CDH1: variants seen among roughly 807,000 people sequenced by gnomAD.
CDH1 encodes cadherin-1.
A neutral mutation model predicts 84.5 loss-of-function variants in CDH1; 35 were observed. The ratio of observed to expected loss-of-function variants is 0.41; its 90% CI spans 0.32 to 0.55. The LOEUF (loss-of-function observed/expected upper bound fraction) is 0.55. CDH1 is among the 20% of genes least tolerant of loss of function. The probability of loss-of-function intolerance (pLI) is 0.19; values close to 1 mark genes in which losing one functional copy is unlikely to be tolerated. For missense variants in CDH1, 994 were observed against 1,126.6 expected, an observed-to-expected ratio of 0.88 and a Z score of 1.68; for synonymous variants, 417 against 439.0, an observed-to-expected ratio of 0.95 and a Z score of 0.63.
intron 13 of CDH1, among the ~76,000 whole-genome samples, chr16:68,824,194 T>C (rs906708305): frequency 6.6e-6 from 1 of 152,052 alleles, no homozygotes; most frequent in Admixed American, 6.6e-5. Flanking sequence ...ACGGTGTTTC[T>C]CCATTTTGGT....
intron 2 of CDH1, among the ~76,000 whole-genome samples, chr16:68,768,085 T>C (rs1959441151): frequency 6.6e-6 from 1 of 152,144 alleles, no homozygotes; most frequent in Admixed American, 6.6e-5. Context: ...TAGCTGGGAT[T>C]ACAGGCATGC....
intron 4 of CDH1, 38 bp from the exon 5 acceptor site, chr16:68,808,655 C>A: frequency 6.2e-7 from 1 of 1,613,554 alleles, no homozygotes. Flanking sequence ...TGTTGGGATC[C>A]TTCTTTACTA....
intron 8 of CDH1, among the ~76,000 whole-genome samples, chr16:68,812,798 T>C (rs561439728): frequency 6.6e-6 from 1 of 152,302 alleles, no homozygotes; most frequent in African/African-American, 2.4e-5. Flanking sequence ...TCTAGCAAGT[T>C]GAGAGGCCAA....
At chr16:68,746,875 G>C (rs904690729) in intron 2 of CDH1, among the ~76,000 whole-genome samples, 10 of 152,214 alleles carry the variant, frequency 6.6e-5, no homozygotes, top group Admixed American at 2.6e-4. Flanking sequence ...CTTGAATCTG[G>C]GTGGCGGAGG....
chr16:68,781,707 C>T (rs995528997), intron 2 of CDH1, among the ~76,000 whole-genome samples: 2 of 152,248 alleles, frequency 1.3e-5, no homozygotes, highest in Non-Finnish European at 2.9e-5. Flanking sequence ...CTCCTGGACT[C>T]GAGTGATCTC....
chr16:68,773,026 A>AT (rs1959624149), intron 2 of CDH1, among the ~76,000 whole-genome samples: 1 of 152,172 alleles, frequency 6.6e-6, no homozygotes, highest in South Asian at 2.1e-4. Context: ...GACAAAAAGA[A>AT]TTTTGCTTGT....
chr16:68,760,303 C>T (rs1179741834), intron 2 of CDH1, among the ~76,000 whole-genome samples: 18 of 127,624 alleles, frequency 1.4e-4, no homozygotes, highest in African/African-American at 3.8e-4. Flanking sequence ...TTAGTAGAGA[C>T]GGGGTTTCAC....
chr16:68,737,539 C>T, intron 1 of CDH1, 76 bp downstream of exon 1: 2 of 406,304 alleles, frequency 4.9e-6, no homozygotes, highest in South Asian at 2.7e-5. Context: ...GCCCCTTCCT[C>T]TCCCGTCGTC....
Position 68,828,213 on chromosome 16 carries a change from C to T in CDH1, c.2204C>T (p.Ala735Val), listed in dbSNP as rs587782464. 41 of 1,613,798 alleles carry T rather than the reference C, an allele frequency of 2.5e-5. No homozygotes were observed. Among genetic ancestry groups the T allele is most frequent in the Non-Finnish European group, 3.1e-5 (37 of 1,179,932 alleles). ...LLLLLFLRRRAVVKEPLLPPE... is the reference protein window; with the variant it reads ...LLLLLFLRRRVVVKEPLLPPE... ...CTCTTGCTGTTTCTTCGGAGGAGAG[C>T]GGTGGTCAAAGAGCCCTTACTGCCC... The change falls in exon 14 of 16, where the codon GCG (alanine) becomes GTG (valine). Residue 735 changes from alanine (A) to valine (V), a missense_variant. Coordinates refer to ENST00000261769, the MANE Select transcript of CDH1 (RefSeq NM_004360.5).
intron 2 of CDH1, among the ~76,000 whole-genome samples, chr16:68,753,238 G>T (rs374886144): frequency 3.3e-4 from 46 of 141,280 alleles, no homozygotes; most frequent in African/African-American, 1.2e-3. Context: ...AAAAAGCAAG[G>T]CCTGCTTAAT....
At chr16:68,785,734 A>G (rs1960029745) in intron 2 of CDH1, among the ~76,000 whole-genome samples, 1 of 144,532 alleles carries the variant, frequency 6.9e-6, no homozygotes, top group Non-Finnish European at 1.5e-5. Flanking sequence ...GCAGAGCATA[A>G]AGAGCTTTTT....
intron 3 of CDH1, among the ~76,000 whole-genome samples, chr16:68,803,815 TTGTCGTGGTTTA>T (rs879512383): frequency 8.9e-4 from 136 of 152,232 alleles, no homozygotes; most frequent in African/African-American, 1.5e-3. Context: ...AAATCTCCAA[TTGTCGTGGTTTA>T]TGTCGTGGTT....
intron 2 of CDH1, among the ~76,000 whole-genome samples, chr16:68,743,296 T>C (rs950960775): frequency 5.7e-4 from 5 of 8,806 alleles, no homozygotes; most frequent in Non-Finnish European, 9.6e-4. Context: ...TCTTTCTTTC[T>C]TTCTTTCTTT....
chr16:68,806,256 A>G (rs1347960154), intron 3 of CDH1, among the ~76,000 whole-genome samples: 1 of 151,750 alleles, frequency 6.6e-6, no homozygotes, highest in Non-Finnish European at 1.5e-5. Context: ...GGTTCAAGCA[A>G]TTCTCACGCC....
chr16:68,809,226 C>CTTTTTTTT (rs536314715), intron 5 of CDH1, among the ~76,000 whole-genome samples: 21 of 135,482 alleles, frequency 1.6e-4, no homozygotes, highest in African/African-American at 5.5e-4. Flanking sequence ...ACCAAGAGGT[C>CTTTTTTTT]TTTTTTTTTT....
At chr16:68,828,428 AC>A (rs1961387475) in intron 14 of CDH1, 124 bp downstream of exon 14, 1 of 936,440 alleles carries the variant, frequency 1.1e-6, no homozygotes, top group East Asian at 2.6e-5. Context: ...TTAAGGCCTT[AC>A]CCAAGAAAGT....
At chr16:68,737,654 G>A (rs1440928314) in intron 1 of CDH1, among the ~76,000 whole-genome samples, 191 bp downstream of exon 1, 2 of 152,192 alleles carry the variant, frequency 1.3e-5, no homozygotes, top group African/African-American at 4.8e-5. Context: ...GGTGGGTGGT[G>A]AGGGGCGAGC....
chr16:68,813,284 T>C lies in CDH1; in HGVS notation c.1138-29T>C, dbSNP rs369915100. 14 of 1,612,562 alleles carry C rather than the reference T, an allele frequency of 8.7e-6. No individual in the cohort carries two copies. In the African/African-American group the frequency reaches 1.9e-4, roughly 22 times the overall value. ...AGCTCTGCTAGCAGTCTTGGTACTT[T>C]GTAAATGACACATCTCTTTGCTCTG... is the stretch of plus-strand genomic sequence containing the variant. On this transcript the variant is annotated intron_variant, in intron 8 of 15. Coordinates refer to ENST00000261769, the MANE Select transcript of CDH1 (RefSeq NM_004360.5).
At chr16:68,823,992 CTTTT>C (rs889358029) in intron 13 of CDH1, among the ~76,000 whole-genome samples, 4 of 99,928 alleles carry the variant, frequency 4.0e-5, no homozygotes, top group Non-Finnish European at 5.8e-5. Flanking sequence ...TTCTGCATTT[CTTTT>C]TTTTTTTTTT....
Sources: gnomAD v4.1 joint callset for allele counts (sites outside exome capture counted in the v4.1 genomes callset) on GRCh38, gnomAD v4.1.1 for gene constraint, MANE v1.5 for transcripts, NCBI Gene and HGNC (gene_info 2026-07-23, HGNC 2026-07-21) for gene names.